Variants in ITGB4 observed in about 807,000 individuals in gnomAD.
ITGB4 encodes the protein integrin subunit beta 4.
ITGB4 carries 159 observed loss-of-function variants against 207.6 expected under a neutral mutation model. That is an observed-to-expected ratio of 0.77 (90% CI 0.67 to 0.87). The LOEUF is 0.87. Ranked by LOEUF, ITGB4 falls within the 40% of genes least tolerant of loss-of-function variation. The pLI is 0.00. For missense variants in ITGB4, 2,278 were observed against 2,546.8 expected (o/e 0.89, Z 2.27); for synonymous variants, 1,020 against 1,062.7 (o/e 0.96, Z 0.78).
In ITGB4 at chr17:75,756,823, G is replaced by A. The variant is rs753879950; in HGVS notation, c.5017G>A (p.Gly1673Ser). 2.5e-5 allele frequency: 40 copies of A among 1,612,260 alleles called. No individual in the cohort carries two copies. Among genetic ancestry groups the A allele is most frequent in the South Asian group, 6.6e-5 (6 of 91,058 alleles). ...ACGGAGGCCCAATGGGGATATCGTC[G>A]GCTACCTGGTGACCTGTGAGATGGC... ...RPRRPNGDIV[G>S]YLVTCEMAQG... The change falls in exon 37 of 40, where the codon GGC (glycine) becomes AGC (serine). Residue 1673 changes from glycine to serine, a missense_variant. Gly to Ser is a moderately conservative substitution (Grantham distance 56). Transcript: ENST00000200181.
chr17:75,728,857 A>G (rs1256452327), intron 6 of ITGB4, among the ~76,000 whole-genome samples: 2 of 152,010 alleles, frequency 1.3e-5, no homozygotes, highest in Non-Finnish European at 2.9e-5. Context: ...GATGGTGGGC[A>G]CCGGTAGTCC....
chr17:75,736,212 G>A (rs1245606458), intron 14 of ITGB4, 58 bp downstream of exon 14: 1 of 1,604,866 alleles, frequency 6.2e-7, no homozygotes, highest in African/African-American at 1.3e-5. Flanking sequence ...TCTCCAGAGA[G>A]AACCCTATGG....
In ITGB4 at chr17:75,732,017, G is replaced by A; in HGVS notation, c.1377+44G>A. ...GGGCGGGAGGGGAGAGCTGAGCCAAGCACCCAGGGACCCTGAGGAATGAAG... is the reference window on the plus strand; with the variant it reads ...GGGCGGGAGGGGAGAGCTGAGCCAAACACCCAGGGACCCTGAGGAATGAAG... On this transcript the variant is annotated intron_variant, in intron 11 of 39. Transcript: ENST00000200181. The surrounding 1 kb of genome is among the most constrained non-coding windows in gnomAD (Gnocchi z 5.3). 1.2e-6 allele frequency: 2 copies of A among 1,613,558 alleles called. No homozygotes were observed. Among genetic ancestry groups the A allele is most frequent in the Non-Finnish European group, 1.7e-6 (2 of 1,179,810 alleles).
intron 2 of ITGB4, among the ~76,000 whole-genome samples, chr17:75,725,037 G>A (rs1003008721): frequency 6.6e-6 from 1 of 152,232 alleles, no homozygotes; most frequent in African/African-American, 2.4e-5. Flanking sequence ...ACCCACCCAG[G>A]ACTGAGGCAC....
At chr17:75,743,994 C>T in intron 26 of ITGB4, 133 bp downstream of exon 26, 3 of 1,005,554 alleles carry the variant, frequency 3.0e-6, no homozygotes, top group Non-Finnish European at 4.3e-6. Context: ...GCTGGCCTCC[C>T]AAGGACACGT....
In ITGB4 at chr17:75,729,158, C is replaced by CAAAAAAA; in HGVS notation, c.567-96_567-90dup. ...TGGGTGATAAAGCGAGACTTGGTCT[C>CAAAAAAA]AAAAAAAAAAAAAAAAATTCTCCTT... On this transcript the variant is annotated intron_variant, in intron 6 of 39. Transcript: ENST00000200181. This position sits in a 1 kb window ranked among gnomAD's most constrained non-coding sequence, Gnocchi z 4.4. 1.3e-6 allele frequency: 1 copy of CAAAAAAA among 788,486 alleles called. No homozygotes were observed. Among genetic ancestry groups the CAAAAAAA allele is most frequent in the Non-Finnish European group, 1.9e-6 (1 of 536,490 alleles). 48.8% of individuals were successfully genotyped at this position (788,486 alleles called of 1,614,324 possible).
chr17:75,730,605 CCTCCCTT>C lies in ITGB4; in HGVS notation c.1002+103_1002+109del, dbSNP rs1413122119. 81 of 1,115,976 alleles carry C rather than the reference CCTCCCTT, an allele frequency of 7.3e-5. 1 individual carries two copies. The highest frequency in any genetic ancestry group is 7.0e-4 in the South Asian group (45 of 64,148). 69.1% of individuals were successfully genotyped at this position (1,115,976 alleles called of 1,614,324 possible). A position where few individuals can be genotyped will look rare whatever the true frequency, so the allele number is the denominator to read the frequency against. On this transcript the variant is annotated intron_variant, in intron 8 of 39. Transcript: ENST00000200181. Reference sequence around the variant, plus strand: ...CCCTCCCTCCCTCCCTCCCTCCCTTCCTCCCTTCCTCCCTCCCTCTTTTCCTCCCTTT... The same window carrying C: ...CCCTCCCTCCCTCCCTCCCTCCCTTCCCTCCCTCCCTCTTTTCCTCCCTTT...
intron 23 of ITGB4, 71 bp downstream of exon 23, chr17:75,741,076 CG>C: frequency 6.5e-7 from 1 of 1,541,220 alleles, no homozygotes; most frequent in Non-Finnish European, 8.9e-7. Flanking sequence ...GCCACTGCCT[CG>C]TCCGTCCCTA....
Position 75,731,007 on chromosome 17 carries a change from A to T in ITGB4, c.1092+43A>T. 1 of 1,568,334 alleles carries T rather than the reference A, an allele frequency of 6.4e-7. No individual in the cohort carries two copies. The highest frequency in any genetic ancestry group is 8.8e-7 in the Non-Finnish European group (1 of 1,139,248). On this transcript the variant is annotated intron_variant, in intron 9 of 39. Transcript: ENST00000200181. This position sits in a 1 kb window ranked among gnomAD's most constrained non-coding sequence, Gnocchi z 6.8. ...TCCAGAGTCTGAGCCCTTCTGGGGC[A>T]GGGCAGGAAGTGGGCAGGGTGGGCA... is the stretch of plus-strand genomic sequence containing the variant.
Position 75,757,180 on chromosome 17 carries a change from G to A in ITGB4, c.5219-20G>A, listed in dbSNP as rs1300021657. 4.3e-6 allele frequency: 7 copies of A among 1,612,288 alleles called. No homozygotes were observed. The highest frequency in any genetic ancestry group is 1.7e-5 in the Admixed American group (1 of 59,976). On this transcript the variant is annotated intron_variant, in intron 38 of 39. Transcript: ENST00000200181. ...CTCCTTCTGGCACCACCCTCTGACT[G>A]GCCTATCTGCCCACCCCAGGACCCT...
intron 25 of ITGB4, among the ~76,000 whole-genome samples, chr17:75,743,389 C>T (rs771412474): frequency 6.6e-6 from 1 of 152,174 alleles, no homozygotes; most frequent in Admixed American, 6.5e-5. Flanking sequence ...CTCGCCACCA[C>T]GCCCAGCTAA....
intron 13 of ITGB4, among the ~76,000 whole-genome samples, chr17:75,734,836 G>C (rs2060940228): frequency 6.6e-6 from 1 of 152,200 alleles, no homozygotes; most frequent in Non-Finnish European, 1.5e-5. Flanking sequence ...AAGGGAGGAA[G>C]GTGCCTCTGG....
Position 75,724,747 on chromosome 17 carries a change from C to A in ITGB4, c.44C>A (p.Ala15Glu). ...RPSPWARLLL[A>E]ALISVSLSGT... ...AGCCCATGGGCCAGGCTGCTCCTGG[C>A]AGCCTTGATCAGCGTCAGCCTCTCT... Residue 15 changes from alanine (A) to glutamate (E), a missense_variant, in exon 2 of 40, where the codon GCA becomes GAA. Ala to Glu is a moderately radical substitution (Grantham distance 107). Transcript: ENST00000200181. The A allele has an allele frequency of 6.2e-7, 1 of 1,613,780 alleles. No individual in the cohort carries two copies. Among genetic ancestry groups the A allele is most frequent in the Non-Finnish European group, 8.5e-7 (1 of 1,180,026 alleles).
At chr17:75,728,712 C>T (rs1238809800) in intron 6 of ITGB4, among the ~76,000 whole-genome samples, 3 of 152,134 alleles carry the variant, frequency 2.0e-5, no homozygotes, top group East Asian at 1.9e-4. Flanking sequence ...TGGCTGGGCG[C>T]GGTGGTTCAC....
Position 75,731,518 on chromosome 17 carries a change from GT to G in ITGB4, c.1215+152del. 1.1e-6 allele frequency: 1 copy of G among 875,078 alleles called. No individual in the cohort carries two copies. Among genetic ancestry groups the G allele is most frequent in the Non-Finnish European group, 1.7e-6 (1 of 577,200 alleles). 54.2% of individuals were successfully genotyped at this position (875,078 alleles called of 1,614,324 possible). ...GGCCTAGCCGCTCGGATGAGCCTAG[GT>G]TGCTCCTCTGCTTGTTGGTTTCCTC... On this transcript the variant is annotated intron_variant, in intron 10 of 39. Transcript: ENST00000200181. This position sits in a 1 kb window ranked among gnomAD's most constrained non-coding sequence, Gnocchi z 6.8.
chr17:75,736,425 G>A, intron 15 of ITGB4, 39 bp downstream of exon 15: 1 of 1,611,216 alleles, frequency 6.2e-7, no homozygotes, highest in African/African-American at 1.3e-5. Context: ...GTGGGAACAG[G>A]GCAGGCACAG....
At position 75,757,729 on chromosome 17, in the gene ITGB4, G is replaced by A. The variant is rs747394929; in HGVS notation, c.*174G>A. On this transcript the variant is annotated 3_prime_UTR_variant, in exon 40 of 40. Transcript: ENST00000200181. ...GAAGGGGGCAAGGTCCGTCCTCTGT[G>A]GGCCCAAACCTATTTGTAACCAAAG... 5.9e-6 allele frequency: 5 copies of A among 849,096 alleles called. No homozygotes were observed. Among genetic ancestry groups the A allele is most frequent in the Non-Finnish European group, 7.6e-6 (4 of 528,920 alleles). The allele number at this position is 849,096 out of a possible 1,614,324, so 52.6% of individuals were successfully genotyped here.
intron 34 of ITGB4, 154 bp downstream of exon 34, chr17:75,754,969 C>T (rs2143490652): frequency 4.8e-6 from 6 of 1,240,214 alleles, no homozygotes; most frequent in Non-Finnish European, 6.9e-6. Context: ...CACGCATGCA[C>T]ACATGTACAC....
At position 75,754,717 on chromosome 17, in the gene ITGB4, C is replaced by G. The variant is rs145161839; in HGVS notation, c.4460C>G (p.Thr1487Ser). The change falls in exon 34 of 40, where the codon ACC (threonine) becomes AGC (serine). Residue 1487 changes from threonine to serine, a missense_variant. Physicochemically the swap from Thr to Ser is moderately conservative, Grantham distance 58. Coordinates refer to ENST00000200181, the MANE Select transcript of ITGB4 (RefSeq NM_000213.5). ...VPHRVLSTSS[T>S]LTRDYNSLTR... ...CACCGCGTGCTAAGCACATCCTCCA[C>G]CCTCACACGGGACTACAACTCACTG... is the stretch of plus-strand genomic sequence containing the variant. The G allele has an allele frequency of 6.2e-7, 1 of 1,614,072 alleles. No individual in the cohort carries two copies. The highest frequency in any genetic ancestry group is 1.3e-5 in the African/African-American group (1 of 74,930).
Sources: allele counts gnomAD v4.1 joint callset (sites outside exome capture counted in the v4.1 genomes callset), GRCh38; gene constraint gnomAD v4.1.1; non-coding constraint Gnocchi (gnomAD v3.1); transcripts MANE v1.5; gene names NCBI Gene and HGNC (gene_info 2026-07-23, HGNC 2026-07-21).